Variants in MEF2C observed in about 807,000 individuals in gnomAD.
MEF2C encodes the protein myocyte enhancer factor 2C, also known as myocyte-specific enhancer factor 2C.
A neutral mutation model predicts 50.5 loss-of-function variants in MEF2C; 6 were observed. The observed-to-expected ratio is 0.12, with a 90% CI of 0.07 to 0.23. MEF2C has a LOEUF of 0.23. Among genes scored for constraint, MEF2C ranks in the 10% least tolerant of loss-of-function variants. MEF2C has a pLI of 1.00. For missense variants in MEF2C, 276 were observed against 605.0 expected (o/e 0.46, Z 5.70); for synonymous variants, 183 against 228.0 (o/e 0.80, Z 1.78).
At chr5:88,855,302 A>T (rs1822891027) in intron 1 of MEF2C, among the ~76,000 whole-genome samples, 1 of 152,194 alleles carries the variant, frequency 6.6e-6, no homozygotes. Context: ...CTATAAAACA[A>T]ATTACTTCCA....
intron 10 of MEF2C, among the ~76,000 whole-genome samples, chr5:88,727,997 A>C (rs1561672966): frequency 6.6e-6 from 1 of 151,992 alleles, no homozygotes; most frequent in Admixed American, 6.6e-5. Context: ...AGTTAGTATT[A>C]TATACATATA....
chr5:88,779,275 C>T (rs989626288), intron 3 of MEF2C, among the ~76,000 whole-genome samples: 1 of 151,956 alleles, frequency 6.6e-6, no homozygotes, highest in Non-Finnish European at 1.5e-5. Context: ...GAAACAGTAC[C>T]ATTAAAAGGA....
Position 88,745,165 on chromosome 5 carries a change from G to A in MEF2C, c.637+3905C>T, listed in dbSNP as rs192664328. 5.9e-5 allele frequency among the ~76,000 whole-genome samples: 9 copies of A among 152,316 alleles called. No homozygotes were observed. In the East Asian group the frequency reaches 1.7e-3, roughly 29 times the overall value. Reference sequence around the variant, plus strand: ...TACTCAGCTAACAAACATTTACCAAGTATCTGCTGTGTGCTAACGCTTAGG... The same window carrying A: ...TACTCAGCTAACAAACATTTACCAAATATCTGCTGTGTGCTAACGCTTAGG... On this transcript the variant is annotated intron_variant, in intron 6 of 10. Transcript: ENST00000504921.
intron 1 of MEF2C, among the ~76,000 whole-genome samples, chr5:88,845,212 C>T (rs1241652518): frequency 6.6e-6 from 1 of 152,192 alleles, no homozygotes; most frequent in African/African-American, 2.4e-5. Context: ...CATATCCTCC[C>T]GTGTCAATGG....
At chr5:88,773,097 A>T (rs1336247442) in intron 3 of MEF2C, among the ~76,000 whole-genome samples, 1 of 152,266 alleles carries the variant, frequency 6.6e-6, no homozygotes, top group Non-Finnish European at 1.5e-5. Context: ...GAAGAGTTTC[A>T]GTGTGTTAGA....
intron 2 of MEF2C, among the ~76,000 whole-genome samples, chr5:88,807,470 G>A (rs1178346166): frequency 6.6e-6 from 1 of 152,166 alleles, no homozygotes; most frequent in African/African-American, 2.4e-5. Flanking sequence ...CTGAGCTCAA[G>A]CGATCCTCCC....
At chr5:88,736,500 CAAA>C (rs767883581) in intron 6 of MEF2C, 3 of 3,420 alleles carry the variant, frequency 8.8e-4, no homozygotes, top group Non-Finnish European at 2.3e-3. Context: ...GACTCCGTCT[CAAA>C]AAAAAAAAAA....
At chr5:88,769,419 T>A (rs2152757201) in intron 3 of MEF2C, among the ~76,000 whole-genome samples, 1 of 152,230 alleles carries the variant, frequency 6.6e-6, no homozygotes, top group Admixed American at 6.5e-5. Context: ...TTGTAAGGAT[T>A]CTTCCGCCAA....
intron 1 of MEF2C, among the ~76,000 whole-genome samples, chr5:88,900,578 T>G (rs769237290): frequency 2.6e-5 from 4 of 151,942 alleles, no homozygotes; most frequent in South Asian, 2.1e-4. Flanking sequence ...TTTTGTACCA[T>G]AGATGTTTTA....
chr5:88,814,120 C>A (rs980865606), intron 2 of MEF2C, among the ~76,000 whole-genome samples: 11 of 152,152 alleles, frequency 7.2e-5, no homozygotes, highest in African/African-American at 2.7e-4. Flanking sequence ...TCTGCAACGA[C>A]AATCTTTAAT....
At chr5:88,822,964 C>T (rs150699716) in intron 2 of MEF2C, among the ~76,000 whole-genome samples, 2 of 151,962 alleles carry the variant, frequency 1.3e-5, no homozygotes, top group African/African-American at 4.8e-5. Context: ...CATAGCCTAA[C>T]TAAATCCACT....
chr5:88,827,914 TAA>T (rs5869444), intron 1 of MEF2C, among the ~76,000 whole-genome samples: 20 of 141,964 alleles, frequency 1.4e-4, no homozygotes, highest in Admixed American at 2.1e-4. Flanking sequence ...GCTCCCACAT[TAA>T]AAAAAAAAAA....
intron 1 of MEF2C, among the ~76,000 whole-genome samples, chr5:88,829,537 A>G (rs1292755880): frequency 1.3e-5 from 2 of 152,056 alleles, no homozygotes; most frequent in East Asian, 3.9e-4. Context: ...ACAATCAGTT[A>G]AGATGTGTAT....
upstream of MEF2C, among the ~76,000 whole-genome samples, chr5:88,884,771 G>C (rs1408023008): frequency 7.0e-6 from 1 of 143,852 alleles, no homozygotes; most frequent in Non-Finnish European, 1.5e-5. Context: ...TTATGTTAAG[G>C]TTAAAGCATG....
At chr5:88,749,852 A>G (rs1244846339) in intron 5 of MEF2C, among the ~76,000 whole-genome samples, 2 of 152,026 alleles carry the variant, frequency 1.3e-5, no homozygotes. Context: ...AACACGGTGA[A>G]ACCCTGTCTC....
chr5:88,749,290 G>A (rs1771471735), intron 5 of MEF2C, 173 bp from the exon 6 acceptor site: 1 of 958,832 alleles, frequency 1.0e-6, no homozygotes, highest in Non-Finnish European at 1.2e-6. Flanking sequence ...GTGCTCAAAC[G>A]TTAAAAATAC....
intron 2 of MEF2C, among the ~76,000 whole-genome samples, chr5:88,812,333 T>C (rs140164604): frequency 6.6e-6 from 1 of 152,298 alleles, no homozygotes; most frequent in East Asian, 1.9e-4. Context: ...ATAGTGTTTT[T>C]TGTAATCCAA....
intron 6 of MEF2C, chr5:88,737,624 G>A: frequency 1.0e-6 from 1 of 985,346 alleles, no homozygotes; most frequent in Non-Finnish European, 1.2e-6. Flanking sequence ...TGGCAGGGTG[G>A]CTATTAAGAG....
rs1398910849 is a variant in MEF2C at position 88,720,875 on chromosome 5, T to A, written c.*1729A>T. On this transcript the variant is annotated 3_prime_UTR_variant, in exon 11 of 11. Coordinates refer to ENST00000504921, the MANE Select transcript of MEF2C (RefSeq NM_002397.5). ...TTAAATCTCTTTATTGAAGAAAAAA[T>A]AGATGACATACATGCTTTATGCAGA... 1 of 152,472 alleles carries A rather than the reference T, an allele frequency of 6.6e-6. No homozygotes were observed. The highest frequency in any genetic ancestry group is 1.5e-5 in the Non-Finnish European group (1 of 67,988). 9.4% of individuals were successfully genotyped at this position (152,472 alleles called of 1,614,324 possible).
Sources: gnomAD v4.1 joint callset for allele counts (sites outside exome capture counted in the v4.1 genomes callset) on GRCh38, gnomAD v4.1.1 for gene constraint, MANE v1.5 for transcripts, NCBI Gene and HGNC (gene_info 2026-07-23, HGNC 2026-07-21) for gene names.